ARMH3: variants seen among roughly 807,000 people sequenced by gnomAD.
The protein encoded by ARMH3 is armadillo like helical domain containing 3.
Under a neutral mutation model 99.1 loss-of-function variants are expected in ARMH3, and 60 were observed. The observed-to-expected ratio is 0.61, with a 90% CI of 0.49 to 0.75. The LOEUF is 0.75. ARMH3 is among the 30% of genes least tolerant of loss of function. ARMH3 has a pLI of 0.00. For missense variants in ARMH3, 679 were observed against 843.1 expected, an observed-to-expected ratio of 0.81 and a Z score of 2.41; for synonymous variants, 285 against 292.8, an observed-to-expected ratio of 0.97 and a Z score of 0.27.
chr10:101,923,648 T>C (rs1389752717), intron 23 of ARMH3, among the ~76,000 whole-genome samples: 1 of 152,170 alleles, frequency 6.6e-6, no homozygotes, highest in African/African-American at 2.4e-5. Context: ...CAAAAATGTC[T>C]TTTTTTACTG....
chr10:101,854,663 C>T (rs758520373), intron 24 of ARMH3, among the ~76,000 whole-genome samples: 4 of 152,080 alleles, frequency 2.6e-5, no homozygotes, highest in Non-Finnish European at 4.4e-5. Context: ...AGGTAAGGGG[C>T]CTGAGAGGAC....
At chr10:101,969,791 T>C (rs992961126) in intron 20 of ARMH3, among the ~76,000 whole-genome samples, 4 of 152,204 alleles carry the variant, frequency 2.6e-5, no homozygotes, top group East Asian at 1.9e-4. Flanking sequence ...TGTCTGAGCA[T>C]AGGAGTCAGG....
rs74903162 is a variant in ARMH3 at position 101,974,632 on chromosome 10, G to C, written c.1495+580C>G. On this transcript the variant is annotated intron_variant, in intron 20 of 25. Coordinates refer to ENST00000370033, the MANE Select transcript of ARMH3 (RefSeq NM_024541.3). Reference sequence around the variant, plus strand: ...AGTGACTTTACTGGGCTACCAAATGGTTAGAAAGACAAAAGTAAACACTGT... The same window carrying C: ...AGTGACTTTACTGGGCTACCAAATGCTTAGAAAGACAAAAGTAAACACTGT... 7.2e-3 allele frequency among the ~76,000 whole-genome samples: 1,093 copies of C among 152,316 alleles called. 13 individuals are homozygous for C. The highest frequency in any genetic ancestry group is 0.027 in the Middle Eastern group (8 of 294).
chr10:101,938,148 C>T (rs530420822), intron 23 of ARMH3, among the ~76,000 whole-genome samples: 54 of 152,320 alleles, frequency 3.5e-4, no homozygotes, highest in African/African-American at 1.2e-3. Flanking sequence ...GGATTACAGG[C>T]GTGAGCCACT....
intron 24 of ARMH3, among the ~76,000 whole-genome samples, chr10:101,884,606 C>T (rs780807744): frequency 9.9e-5 from 15 of 152,104 alleles, no homozygotes; most frequent in Non-Finnish European, 2.1e-4. Context: ...TTACCTAATG[C>T]TGTATATAAA....
chr10:101,931,407 C>T (rs557696940), intron 23 of ARMH3, among the ~76,000 whole-genome samples: 2 of 152,242 alleles, frequency 1.3e-5, no homozygotes, highest in South Asian at 4.1e-4. Flanking sequence ...CACCGATAAT[C>T]CTGGCTACTC....
chr10:101,881,926 A>G (rs2067430149), intron 24 of ARMH3, among the ~76,000 whole-genome samples: 1 of 152,104 alleles, frequency 6.6e-6, no homozygotes, highest in Non-Finnish European at 1.5e-5. Flanking sequence ...TCTCCTCCGT[A>G]TGGCCTTTTC....
intron 16 of ARMH3, among the ~76,000 whole-genome samples, 184 bp downstream of exon 16, chr10:101,995,113 C>CT (rs1253997913): frequency 2.6e-5 from 4 of 152,176 alleles, no homozygotes; most frequent in African/African-American, 9.7e-5. Flanking sequence ...AAGACCCTGT[C>CT]TATCCATGGC....
intron 8 of ARMH3, among the ~76,000 whole-genome samples, chr10:102,021,767 C>T (rs1349635660): frequency 6.6e-6 from 1 of 151,896 alleles, no homozygotes; most frequent in African/African-American, 2.4e-5. Flanking sequence ...AGGATGGTCT[C>T]GATCTCCCAA....
At chr10:101,851,345 GAAGAAAGGGGAGACC>G (rs1194358173) in intron 24 of ARMH3, among the ~76,000 whole-genome samples, 2 of 152,134 alleles carry the variant, frequency 1.3e-5, no homozygotes, top group African/African-American at 4.8e-5. Context: ...AGTGAGCTAG[GAAGAAAGGGGAGACC>G]AAGAAAGGGG....
At chr10:101,997,485 A>T (rs1468661997) in intron 15 of ARMH3, among the ~76,000 whole-genome samples, 5 of 152,004 alleles carry the variant, frequency 3.3e-5, no homozygotes, top group Non-Finnish European at 5.9e-5. Context: ...CCAGCTACTC[A>T]GGAGGCTGAG....
At chr10:102,031,678 T>C (rs978172491) in intron 4 of ARMH3, among the ~76,000 whole-genome samples, 2 of 152,246 alleles carry the variant, frequency 1.3e-5, no homozygotes, top group African/African-American at 4.8e-5. Context: ...ACTAGTATGT[T>C]AGAAACTTAA....
intron 22 of ARMH3, among the ~76,000 whole-genome samples, chr10:101,953,038 TTTTG>T (rs1340767100): frequency 1.3e-5 from 2 of 152,266 alleles, no homozygotes; most frequent in Non-Finnish European, 2.9e-5. Context: ...ATATACCATA[TTTTG>T]TTTATCTATT....
At chr10:101,859,510 T>G (rs1488488035) in intron 24 of ARMH3, among the ~76,000 whole-genome samples, 1 of 152,214 alleles carries the variant, frequency 6.6e-6, no homozygotes, top group African/African-American at 2.4e-5. Flanking sequence ...ATGAAACGAA[T>G]GGGAGAGGAT....
chr10:102,016,027 C>T (rs199854434), intron 8 of ARMH3, among the ~76,000 whole-genome samples: 3 of 152,110 alleles, frequency 2.0e-5, no homozygotes, highest in Non-Finnish European at 4.4e-5. Context: ...CCCAGCTACT[C>T]GGAAGGATGA....
chr10:101,915,003 T>C (rs554253872), intron 23 of ARMH3, among the ~76,000 whole-genome samples: 10 of 152,178 alleles, frequency 6.6e-5, no homozygotes, highest in Non-Finnish European at 1.2e-4. Context: ...TTCGTAACCA[T>C]GATAAATAAG....
chr10:102,023,442 G>T, intron 8 of ARMH3, 35 bp downstream of exon 8: 1 of 1,564,776 alleles, frequency 6.4e-7, no homozygotes, highest in African/African-American at 1.4e-5. Flanking sequence ...AAGATTATAG[G>T]CAGATAACAA....
chr10:101,860,113 A>C (rs750404005), intron 24 of ARMH3, among the ~76,000 whole-genome samples: 7 of 152,204 alleles, frequency 4.6e-5, no homozygotes, highest in Non-Finnish European at 8.8e-5. Flanking sequence ...ATGTTTTAGT[A>C]AATTATCTTA....
At chr10:102,006,130 T>C (rs1236203009) in intron 14 of ARMH3, among the ~76,000 whole-genome samples, 1 of 152,238 alleles carries the variant, frequency 6.6e-6, no homozygotes, top group Admixed American at 6.5e-5. Flanking sequence ...AATTCCCTCA[T>C]TGATCAAATG....
Sources: gnomAD v4.1 joint callset for allele counts (sites outside exome capture counted in the v4.1 genomes callset) on GRCh38, gnomAD v4.1.1 for gene constraint, MANE v1.5 for transcripts, NCBI Gene and HGNC (gene_info 2026-07-23, HGNC 2026-07-21) for gene names.